Variants in C12orf56 observed in about 807,000 individuals in gnomAD.
The protein encoded by C12orf56 is uncharacterized protein C12orf56.
A neutral mutation model predicts 69.9 loss-of-function variants in C12orf56; 71 were observed. The ratio of observed to expected loss-of-function variants is 1.02; its 90% confidence interval spans 0.84 to 1.24. The LOEUF is 1.24. Among genes scored for constraint, C12orf56 ranks in the 50% most tolerant of loss-of-function variants. The pLI is 0.00. For missense variants in C12orf56, 732 were observed against 738.5 expected, an observed-to-expected ratio of 0.99 and a Z score of 0.10; for synonymous variants, 276 against 274.1, an observed-to-expected ratio of 1.01 and a Z score of -0.07.
intron 2 of C12orf56, among the ~76,000 whole-genome samples, chr12:64,348,000 T>A (rs1029276115): frequency 3.3e-5 from 5 of 152,224 alleles, no homozygotes; most frequent in South Asian, 2.1e-4. Flanking sequence ...TTACATGGAC[T>A]GGGCATGGTG....
At chr12:64,285,209 G>T (rs796104692) in intron 7 of C12orf56, among the ~76,000 whole-genome samples, 1 of 151,578 alleles carries the variant, frequency 6.6e-6, no homozygotes, top group African/African-American at 2.4e-5. Flanking sequence ...GAAAAAAATT[G>T]TTGAATGAAT....
intron 1 of C12orf56, among the ~76,000 whole-genome samples, chr12:64,374,260 C>G (rs1258999246): frequency 2.0e-5 from 3 of 152,078 alleles, no homozygotes; most frequent in Admixed American, 2.0e-4. Flanking sequence ...GATACACAGC[C>G]AAGAAAGACT....
intron 1 of C12orf56, among the ~76,000 whole-genome samples, chr12:64,363,523 G>T (rs2039425069): frequency 6.6e-6 from 1 of 152,140 alleles, no homozygotes. Flanking sequence ...ACACGCTAGG[G>T]GCCCCTTTGC....
At chr12:64,317,748 G>A (rs909713984) in intron 4 of C12orf56, among the ~76,000 whole-genome samples, 1 of 151,558 alleles carries the variant, frequency 6.6e-6, no homozygotes, top group East Asian at 1.9e-4. Flanking sequence ...TGACAAGAGC[G>A]AAACTCCATC....
chr12:64,282,848 ATAT>A (rs966404375), intron 8 of C12orf56, among the ~76,000 whole-genome samples: 3 of 151,974 alleles, frequency 2.0e-5, no homozygotes, highest in African/African-American at 7.2e-5. Flanking sequence ...TACTTAAGAA[ATAT>A]TAATTAATGA....
intron 1 of C12orf56, among the ~76,000 whole-genome samples, chr12:64,377,088 T>C (rs559769261): frequency 1.3e-5 from 2 of 152,190 alleles, no homozygotes; most frequent in Non-Finnish European, 2.9e-5. Flanking sequence ...CACTTTCGTT[T>C]GGATTTGCAT....
chr12:64,284,271 C>T lies in C12orf56; in HGVS notation c.1310+393G>A, dbSNP rs541100456. Among the ~76,000 whole-genome samples the T allele has an allele frequency of 3.9e-5, 6 of 152,220 alleles. No individual in the cohort carries two copies. The South Asian group carries it at 8.3e-4, about 21-fold the overall frequency. On this transcript the variant is annotated intron_variant, in intron 8 of 12. Coordinates refer to ENST00000543942, the MANE Select transcript of C12orf56 (RefSeq NM_001170633.2). ...CAAAGTCATTTACTCTAAGGTCACACGATTATATTGTAAATGAGGCTACTA... is the reference window on the plus strand; with the variant it reads ...CAAAGTCATTTACTCTAAGGTCACATGATTATATTGTAAATGAGGCTACTA...
intron 2 of C12orf56, among the ~76,000 whole-genome samples, chr12:64,341,877 T>C (rs957669131): frequency 2.0e-5 from 3 of 152,168 alleles, no homozygotes; most frequent in Admixed American, 6.5e-5. Context: ...AGATCAGCTT[T>C]GGTGAGTGGA....
At chr12:64,369,833 A>T (rs1483458741) in intron 1 of C12orf56, among the ~76,000 whole-genome samples, 2 of 151,440 alleles carry the variant, frequency 1.3e-5, no homozygotes, top group East Asian at 4.0e-4. Context: ...ATACAAAAAA[A>T]TTAGCTGGGC....
intron 2 of C12orf56, among the ~76,000 whole-genome samples, chr12:64,333,121 G>T (rs1427446781): frequency 6.6e-6 from 1 of 152,164 alleles, no homozygotes; most frequent in Non-Finnish European, 1.5e-5. Flanking sequence ...AATCAGACAG[G>T]TTTGAGCCCA....
intron 1 of C12orf56, among the ~76,000 whole-genome samples, chr12:64,380,121 A>AC (rs2039697245): frequency 2.2e-5 from 2 of 92,380 alleles, no homozygotes; most frequent in South Asian, 3.1e-4. Context: ...AAAAAAAAAA[A>AC]AAAAAAAAAA....
intron 1 of C12orf56, among the ~76,000 whole-genome samples, chr12:64,367,121 C>G (rs192196389): frequency 0.013 from 213 of 15,832 alleles, 43 homozygotes; most frequent in Non-Finnish European, 0.019. Flanking sequence ...ATAACATACA[C>G]TTTATATATT....
intron 1 of C12orf56, among the ~76,000 whole-genome samples, chr12:64,376,428 G>A (rs2039641020): frequency 6.6e-6 from 1 of 152,226 alleles, no homozygotes; most frequent in Admixed American, 6.5e-5. Context: ...GAATAAAGAT[G>A]TGTTTGAGCC....
At chr12:64,369,697 G>A (rs989789119) in intron 1 of C12orf56, among the ~76,000 whole-genome samples, 2 of 151,740 alleles carry the variant, frequency 1.3e-5, no homozygotes, top group Non-Finnish European at 2.9e-5. Flanking sequence ...AAATCAAGCT[G>A]GTAGGCCAGA....
At chr12:64,347,355 G>A (rs1193744468) in intron 2 of C12orf56, among the ~76,000 whole-genome samples, 2 of 143,986 alleles carry the variant, frequency 1.4e-5, no homozygotes, top group Admixed American at 7.3e-5. Flanking sequence ...GCATGATCTC[G>A]GCTCACTGCA....
intron 9 of C12orf56, 103 bp from the exon 10 acceptor site, chr12:64,275,475 T>C: frequency 1.8e-6 from 1 of 542,780 alleles, no homozygotes; most frequent in East Asian, 3.5e-5. Context: ...CTTTCTCTTT[T>C]TTTTGAGACA....
At chr12:64,367,702 C>T (rs906453778) in intron 1 of C12orf56, among the ~76,000 whole-genome samples, 1 of 151,496 alleles carries the variant, frequency 6.6e-6, no homozygotes, top group Non-Finnish European at 1.5e-5. Context: ...TGGGATTTCA[C>T]CATGTTGGCC....
intron 1 of C12orf56, among the ~76,000 whole-genome samples, chr12:64,356,151 C>T (rs1441373654): frequency 3.2e-5 from 4 of 125,654 alleles, no homozygotes; most frequent in Admixed American, 1.8e-4. Flanking sequence ...GCCTGTTGCC[C>T]AGGAGCAAGA....
At chr12:64,354,869 A>G (rs980212489) in intron 1 of C12orf56, among the ~76,000 whole-genome samples, 3 of 150,380 alleles carry the variant, frequency 2.0e-5, no homozygotes, top group Non-Finnish European at 4.4e-5. Flanking sequence ...GCCTGAAGTC[A>G]GGAGTTCGAG....
Sources: gnomAD v4.1 joint callset for allele counts (sites outside exome capture counted in the v4.1 genomes callset) on GRCh38, gnomAD v4.1.1 for gene constraint, MANE v1.5 for transcripts, NCBI Gene and HGNC (gene_info 2026-07-23, HGNC 2026-07-21) for gene names.